Variants in DENND2B observed in about 807,000 individuals in gnomAD.
DENND2B encodes the protein DENN domain-containing protein 2B.
DENND2B carries 32 observed loss-of-function variants against 116.0 expected under a neutral mutation model. That is an observed-to-expected ratio of 0.28 (90% CI 0.21 to 0.37). The LOEUF (loss-of-function observed/expected upper bound fraction) is 0.37. DENND2B is among the 10% of genes least tolerant of loss of function. The pLI is 1.00. For synonymous variants in DENND2B, 588 were observed against 583.9 expected (o/e 1.01, Z -0.10); for missense variants, 1,276 against 1,477.7 (o/e 0.86, Z 2.24).
chr11:8,753,888 T>C (rs557996797), intron 1 of DENND2B, among the ~76,000 whole-genome samples: 2 of 152,228 alleles, frequency 1.3e-5, no homozygotes, highest in Admixed American at 1.3e-4. Flanking sequence ...CCTCATACCA[T>C]ATTTAAAAAT....
chr11:8,901,061 T>C (rs1485138981), intron 1 of DENND2B, among the ~76,000 whole-genome samples: 1 of 151,468 alleles, frequency 6.6e-6, no homozygotes, highest in East Asian at 2.0e-4. Context: ...CAAATTTTAA[T>C]ATCTTTTCAA....
At chr11:8,706,579 G>T (rs2042641521) in intron 13 of DENND2B, among the ~76,000 whole-genome samples, 1 of 152,088 alleles carries the variant, frequency 6.6e-6, no homozygotes, top group Non-Finnish European at 1.5e-5. Flanking sequence ...TCTCAGAGGA[G>T]ACCTTCCCTG....
rs566800452 is a variant in DENND2B, at chr11:8,713,332, G to C, written c.1988-597C>G. 6.6e-5 allele frequency among the ~76,000 whole-genome samples: 10 copies of C among 152,134 alleles called. No individual in the cohort carries two copies. In the South Asian group the frequency reaches 2.1e-3, roughly 32 times the overall value. ...TTCCTCAGTCTACGGCACATTTCTT[G>C]CCAGAAGAGGTCCTTGTAATCTTCT... On this transcript the variant is annotated intron_variant, in intron 8 of 19. Transcript: ENST00000313726.
intron 1 of DENND2B, among the ~76,000 whole-genome samples, chr11:8,897,162 C>T (rs1447224734): frequency 1.3e-5 from 2 of 152,056 alleles, no homozygotes; most frequent in Non-Finnish European, 2.9e-5. Context: ...GAGGCTGAGG[C>T]AGGAGAATCA....
intron 3 of DENND2B, among the ~76,000 whole-genome samples, chr11:8,855,875 TA>T (rs2063176578): frequency 6.6e-6 from 1 of 152,166 alleles, no homozygotes; most frequent in Non-Finnish European, 1.5e-5. Flanking sequence ...CTGCTGACTA[TA>T]CTCTCCTCTG....
At chr11:8,780,473 A>G (rs1167001617) in intron 1 of DENND2B, among the ~76,000 whole-genome samples, 1 of 152,212 alleles carries the variant, frequency 6.6e-6, no homozygotes, top group African/African-American at 2.4e-5. Context: ...TGGCAAAAGA[A>G]TACAGGGGTA....
intron 4 of DENND2B, among the ~76,000 whole-genome samples, chr11:8,719,799 G>A (rs574993881): frequency 2.6e-5 from 4 of 152,262 alleles, no homozygotes; most frequent in Middle Eastern, 3.4e-3. Context: ...TCCACATCAC[G>A]GCAGGGAGAA....
chr11:8,834,107 G>A (rs1412769038), intron 4 of DENND2B, among the ~76,000 whole-genome samples: 3 of 152,168 alleles, frequency 2.0e-5, no homozygotes, highest in Admixed American at 1.3e-4. Context: ...TCTTTGGAAC[G>A]GGATGACACA....
At chr11:8,878,740 A>C (rs2063871257) in intron 2 of DENND2B, among the ~76,000 whole-genome samples, 1 of 152,238 alleles carries the variant, frequency 6.6e-6, no homozygotes. Context: ...GACCATAAAA[A>C]GGAATAACAT....
At chr11:8,823,090 T>A (rs2061827795) in intron 4 of DENND2B, among the ~76,000 whole-genome samples, 1 of 129,698 alleles carries the variant, frequency 7.7e-6, no homozygotes, top group Non-Finnish European at 1.7e-5. Flanking sequence ...GATCCATAAA[T>A]AACAGATTGG....
chr11:8,725,226 G>A (rs1481459057), intron 4 of DENND2B, among the ~76,000 whole-genome samples: 1 of 151,956 alleles, frequency 6.6e-6, no homozygotes, highest in African/African-American at 2.4e-5. Flanking sequence ...CACCAATTAG[G>A]GCCCTTTTAA....
At chr11:8,861,811 A>T (rs533541214) in intron 2 of DENND2B, among the ~76,000 whole-genome samples, 34 of 152,358 alleles carry the variant, frequency 2.2e-4, no homozygotes, top group African/African-American at 8.2e-4. Context: ...TGATTAAAAA[A>T]TGTGGTATGT....
At chr11:8,761,895 C>G (rs1324131704) in intron 1 of DENND2B, among the ~76,000 whole-genome samples, 1 of 152,186 alleles carries the variant, frequency 6.6e-6, no homozygotes, top group Non-Finnish European at 1.5e-5. Flanking sequence ...ACACAAAGAA[C>G]AATGAGAAGC....
At chr11:8,880,632 C>G (rs2063894416) in intron 2 of DENND2B, among the ~76,000 whole-genome samples, 1 of 152,132 alleles carries the variant, frequency 6.6e-6, no homozygotes, top group African/African-American at 2.4e-5. Flanking sequence ...TAGCTTGAAG[C>G]TAGGAGTTCG....
chr11:8,722,016 T>A (rs2046275775), intron 4 of DENND2B, among the ~76,000 whole-genome samples: 1 of 152,218 alleles, frequency 6.6e-6, no homozygotes, highest in African/African-American at 2.4e-5. Flanking sequence ...AGGCTCAGAA[T>A]GCAAACATAA....
chr11:8,845,590 C>T (rs1005672234), intron 3 of DENND2B, among the ~76,000 whole-genome samples: 2 of 152,292 alleles, frequency 1.3e-5, no homozygotes, highest in African/African-American at 2.4e-5. Context: ...GGCTTTCACA[C>T]ATCAGGCACA....
intron 2 of DENND2B, among the ~76,000 whole-genome samples, chr11:8,863,923 T>G (rs2063492711): frequency 6.6e-6 from 1 of 152,206 alleles, no homozygotes; most frequent in East Asian, 1.9e-4. Context: ...TAGAATGCAC[T>G]CATCCCTGGC....
intron 4 of DENND2B, chr11:8,719,130 G>A: frequency 1.0e-6 from 1 of 985,674 alleles, no homozygotes; most frequent in Non-Finnish European, 1.2e-6. Flanking sequence ...CCACTCCTCA[G>A]GAAGCAGGCA....
At chr11:8,832,165 C>T (rs1441688585) in intron 4 of DENND2B, among the ~76,000 whole-genome samples, 1 of 152,110 alleles carries the variant, frequency 6.6e-6, no homozygotes, top group Admixed American at 6.5e-5. Context: ...AAAGAACCAA[C>T]ACCTCGGCCA....
Sources: allele counts gnomAD v4.1 joint callset (sites outside exome capture counted in the v4.1 genomes callset), GRCh38; gene constraint gnomAD v4.1.1; transcripts MANE v1.5; gene names NCBI Gene and HGNC (gene_info 2026-07-23, HGNC 2026-07-21).